Variants in GRK5 observed in about 807,000 individuals in gnomAD.
GRK5 encodes the protein g protein-coupled receptor kinase GRK5.
Under a neutral mutation model 78.4 loss-of-function variants are expected in GRK5, and 40 were observed. That is an observed-to-expected ratio of 0.51 (90% CI 0.40 to 0.66). GRK5 has a LOEUF of 0.66. Among genes scored for constraint, GRK5 ranks in the 30% least tolerant of loss-of-function variants. The probability of loss-of-function intolerance (pLI) is 0.00; values close to 1 mark genes in which losing one functional copy is unlikely to be tolerated. For synonymous variants in GRK5, 289 were observed against 296.8 expected (o/e 0.97, Z 0.27); for missense variants, 598 against 759.9 (o/e 0.79, Z 2.50).
chr10:119,359,453 C>T (rs1851323461), intron 2 of GRK5, among the ~76,000 whole-genome samples: 1 of 152,176 alleles, frequency 6.6e-6, no homozygotes, highest in Admixed American at 6.5e-5. Context: ...GTTGTGTTTC[C>T]AGGTCATTCG....
At chr10:119,307,436 T>C (rs1180373928) in intron 1 of GRK5, among the ~76,000 whole-genome samples, 1 of 152,066 alleles carries the variant, frequency 6.6e-6, no homozygotes, top group African/African-American at 2.4e-5. Flanking sequence ...GTGGGCCTGA[T>C]TAGAGGGAGA....
intron 1 of GRK5, among the ~76,000 whole-genome samples, chr10:119,225,670 CTTT>C (rs35238730): frequency 2.3e-4 from 27 of 114,916 alleles, no homozygotes; most frequent in Non-Finnish European, 2.7e-4. Flanking sequence ...CTCTCTCTCT[CTTT>C]TTTTTTTTTT....
At chr10:119,416,089 C>T (rs546080290) in intron 4 of GRK5, among the ~76,000 whole-genome samples, 13 of 150,510 alleles carry the variant, frequency 8.6e-5, no homozygotes, top group African/African-American at 2.2e-4. Flanking sequence ...CTTTCAGTCC[C>T]GCTTCATCCC....
At chr10:119,451,794 C>G (rs1853293025) in intron 13 of GRK5, among the ~76,000 whole-genome samples, 1 of 152,234 alleles carries the variant, frequency 6.6e-6, no homozygotes, top group East Asian at 1.9e-4. Flanking sequence ...ATTGCTAGAA[C>G]CTTCCTGGCA....
chr10:119,433,395 T>G lies in GRK5; in HGVS notation c.738+1868T>G, dbSNP rs549829208. 1.6e-4 allele frequency among the ~76,000 whole-genome samples: 25 copies of G among 152,292 alleles called. No homozygotes were observed. In the South Asian group the frequency reaches 5.0e-3, roughly 30 times the overall value. ...TGCTCAGGGAAGAGGATCATGTGATTCACAAAGCTGGGTGGCACGTCTTTA... is the reference window on the plus strand; with the variant it reads ...TGCTCAGGGAAGAGGATCATGTGATGCACAAAGCTGGGTGGCACGTCTTTA... On this transcript the variant is annotated intron_variant, in intron 8 of 15. Transcript: ENST00000392870.
chr10:119,227,772 A>G (rs963854896), intron 1 of GRK5, among the ~76,000 whole-genome samples: 8 of 152,244 alleles, frequency 5.3e-5, no homozygotes, highest in Non-Finnish European at 1.2e-4. Context: ...TAGTTTGGCA[A>G]TAATTTAAAA....
In GRK5 at chr10:119,457,879, G is replaced by GA. The variant is rs980168489; in HGVS notation, c.*2812_*2813insA. 1 of 150,288 alleles carries GA rather than the reference G, an allele frequency of 6.7e-6. No homozygotes were observed. Among genetic ancestry groups the GA allele is most frequent in the African/African-American group, 2.5e-5 (1 of 40,806 alleles). The allele number at this position is 150,288 out of a possible 1,614,324, so 9.3% of individuals were successfully genotyped here. On this transcript the variant is annotated 3_prime_UTR_variant, in exon 16 of 16. Transcript: ENST00000392870. ...TTTTTAAAATTTTTTGTAGAGATGG[G>GA]GGGGGGGTCTCCCCATGTTGCCCAG...
intron 1 of GRK5, among the ~76,000 whole-genome samples, chr10:119,263,923 G>A (rs1033975865): frequency 5.9e-5 from 9 of 152,166 alleles, no homozygotes; most frequent in Non-Finnish European, 8.8e-5. Context: ...GCAAGACTCC[G>A]TCTCAAAATA....
rs1395880973 is a variant in GRK5, at chr10:119,217,344, TA to T, written c.52+9379del. Among the ~76,000 whole-genome samples, 1 of 152,234 alleles carries T rather than the reference TA, an allele frequency of 6.6e-6. No individual in the cohort carries two copies. The highest frequency in any genetic ancestry group is 1.5e-5 in the Non-Finnish European group (1 of 68,042). ...ATCCTCAAAGTAGATGTTTCCATTTTAAAAGTAGAACTGTGTATCAATACAA... is the reference window on the plus strand; with the variant it reads ...ATCCTCAAAGTAGATGTTTCCATTTTAAAGTAGAACTGTGTATCAATACAA... On this transcript the variant is annotated intron_variant, in intron 1 of 15. Coordinates refer to ENST00000392870, the MANE Select transcript of GRK5 (RefSeq NM_005308.3). The surrounding 1 kb of genome is among the most constrained non-coding windows in gnomAD (Gnocchi z 4.1).
At chr10:119,273,761 C>T (rs549038282) in intron 1 of GRK5, among the ~76,000 whole-genome samples, 95 of 152,222 alleles carry the variant, frequency 6.2e-4, no homozygotes, top group South Asian at 4.8e-3. Context: ...TTTGCACAGT[C>T]TCCTTCCCTC....
chr10:119,327,587 T>C (rs1850701340), intron 2 of GRK5, among the ~76,000 whole-genome samples: 1 of 152,216 alleles, frequency 6.6e-6, no homozygotes, highest in South Asian at 2.1e-4. Flanking sequence ...GCCCCGTGCC[T>C]GCCCTGGAAT....
chr10:119,230,830 CAAAAAA>C (rs5788332), intron 1 of GRK5, among the ~76,000 whole-genome samples: 2 of 61,522 alleles, frequency 3.3e-5, no homozygotes, highest in African/African-American at 7.2e-5. Context: ...GACCCTATCT[CAAAAAA>C]AAAAAAAAAA....
At chr10:119,386,181 A>T (rs1851790785) in intron 3 of GRK5, among the ~76,000 whole-genome samples, 1 of 152,210 alleles carries the variant, frequency 6.6e-6, no homozygotes, top group Non-Finnish European at 1.5e-5. Context: ...CTCCATGCCC[A>T]GCCTTGGAGT....
In GRK5 at chr10:119,445,429, C is replaced by T. The variant is rs1853124730; in HGVS notation, c.1266+1677C>T. On this transcript the variant is annotated intron_variant, in intron 12 of 15. Transcript: ENST00000392870. The surrounding 1 kb of genome is among the most constrained non-coding windows in gnomAD (Gnocchi z 4.1). ...CGAGGCGGAGAGGGCCCCAGTCCCA[C>T]CCCCAGACCCCAGACACCCACCTTG... is the stretch of plus-strand genomic sequence containing the variant. 6.6e-6 allele frequency among the ~76,000 whole-genome samples: 1 copy of T among 151,998 alleles called. No homozygotes were observed. The highest frequency in any genetic ancestry group is 6.6e-5 in the Admixed American group (1 of 15,258).
Position 119,452,605 on chromosome 10 carries a change from G to A in GRK5, c.1405-66G>A, listed in dbSNP as rs1411848776. ...CCCTTCTGCTCCCCAAAACCCCAAGGCCTGGCTCGGGGCCACTGGAGCCGC... is the reference window on the plus strand; with the variant it reads ...CCCTTCTGCTCCCCAAAACCCCAAGACCTGGCTCGGGGCCACTGGAGCCGC... On this transcript the variant is annotated intron_variant, in intron 13 of 15. Transcript: ENST00000392870. The surrounding 1 kb of genome is among the most constrained non-coding windows in gnomAD (Gnocchi z 4.4). The A allele has an allele frequency of 9.3e-5, 149 of 1,597,008 alleles. No individual in the cohort carries two copies. The highest frequency in any genetic ancestry group is 1.2e-4 in the Non-Finnish European group (146 of 1,169,172).
chr10:119,273,189 T>A (rs1849613454), intron 1 of GRK5, among the ~76,000 whole-genome samples: 2 of 152,134 alleles, frequency 1.3e-5, no homozygotes, highest in South Asian at 2.1e-4. Context: ...AGACAGAATG[T>A]GGATTTCCAG....
chr10:119,411,575 G>GAA (rs1564924316), intron 4 of GRK5, among the ~76,000 whole-genome samples: 1 of 152,130 alleles, frequency 6.6e-6, no homozygotes, highest in Non-Finnish European at 1.5e-5. Context: ...TGCTTTTTAA[G>GAA]AAAAAGAATA....
At position 119,345,037 on chromosome 10, in the gene GRK5, C is replaced by T. The variant is rs553872756; in HGVS notation, c.148+18426C>T. Reference sequence around the variant, plus strand: ...AGGCTGGAGTGCAGTGGCGCCATCTCGGCTCACTGCAACCTCCACCTCCTG... The same window carrying T: ...AGGCTGGAGTGCAGTGGCGCCATCTTGGCTCACTGCAACCTCCACCTCCTG... On this transcript the variant is annotated intron_variant, in intron 2 of 15. Transcript: ENST00000392870. 2.0e-5 allele frequency among the ~76,000 whole-genome samples: 3 copies of T among 150,782 alleles called. 1 individual carries two copies. Among genetic ancestry groups the T allele is most frequent in the South Asian group, 4.2e-4 (2 of 4,708 alleles).
At chr10:119,318,513 A>G (rs1267040134) in intron 1 of GRK5, among the ~76,000 whole-genome samples, 1 of 152,192 alleles carries the variant, frequency 6.6e-6, no homozygotes, top group African/African-American at 2.4e-5. Flanking sequence ...GACCGTCCAC[A>G]TCACCAGTAT....
Sources: gnomAD v4.1 joint callset for allele counts (sites outside exome capture counted in the v4.1 genomes callset) on GRCh38, gnomAD v4.1.1 for gene constraint, Gnocchi (gnomAD v3.1) non-coding constraint, MANE v1.5 for transcripts, NCBI Gene and HGNC (gene_info 2026-07-23, HGNC 2026-07-21) for gene names.